TTLL5: variants seen among roughly 807,000 people sequenced by gnomAD.
TTLL5 encodes the protein tubulin polyglutamylase TTLL5.
In TTLL5, 132 loss-of-function variants were observed where a neutral mutation model predicts 168.4. The observed-to-expected ratio is 0.78, with a 90% CI of 0.68 to 0.91. The LOEUF (loss-of-function observed/expected upper bound fraction) is 0.91, where lower values mean the gene tolerates loss of function less well. Among genes scored for constraint, TTLL5 ranks in the 40% least tolerant of loss-of-function variants. The pLI, the probability that TTLL5 is intolerant of heterozygous loss-of-function variation, is 0.00. For missense variants in TTLL5, 1,545 were observed against 1,581.5 expected (o/e 0.98, Z 0.39); for synonymous variants, 546 against 558.6 (o/e 0.98, Z 0.32).
chr14:75,793,485 AT>A (rs1203304691), intron 27 of TTLL5, among the ~76,000 whole-genome samples: 2 of 152,118 alleles, frequency 1.3e-5, no homozygotes, highest in Non-Finnish European at 2.9e-5. Flanking sequence ...CTTTAAAAAA[AT>A]TTTTTTCTAT....
At chr14:75,846,139 A>G (rs1056256886) in intron 28 of TTLL5, among the ~76,000 whole-genome samples, 11 of 152,238 alleles carry the variant, frequency 7.2e-5, no homozygotes, top group Non-Finnish European at 1.6e-4. Context: ...AACTATCAAT[A>G]TATGACTTGT....
At chr14:75,718,693 A>G (rs1203193390) in intron 10 of TTLL5, among the ~76,000 whole-genome samples, 1 of 152,232 alleles carries the variant, frequency 6.6e-6, no homozygotes, top group Admixed American at 6.5e-5. Flanking sequence ...AATCAAAGAA[A>G]GAAAGAAATG....
intron 27 of TTLL5, among the ~76,000 whole-genome samples, chr14:75,797,172 T>A (rs1312224520): frequency 6.6e-6 from 1 of 152,068 alleles, no homozygotes; most frequent in Non-Finnish European, 1.5e-5. Flanking sequence ...TTTTATTTTA[T>A]TTTTTGCAGC....
At chr14:75,909,565 C>T (rs765410509) in intron 31 of TTLL5, among the ~76,000 whole-genome samples, 17 of 152,044 alleles carry the variant, frequency 1.1e-4, no homozygotes, top group Admixed American at 4.6e-4. Flanking sequence ...TCCTTCGGAG[C>T]CTTGTTTTTG....
At chr14:75,788,265 A>T (rs1329293899) in intron 26 of TTLL5, among the ~76,000 whole-genome samples, 1 of 152,170 alleles carries the variant, frequency 6.6e-6, no homozygotes, top group Non-Finnish European at 1.5e-5. Context: ...ATAAAGAAAT[A>T]TAAAGATAAG....
At chr14:75,718,074 G>A (rs1435407384) in intron 10 of TTLL5, 112 bp downstream of exon 10, 2 of 858,876 alleles carry the variant, frequency 2.3e-6, no homozygotes, top group Non-Finnish European at 3.7e-6. Context: ...TAATGTCCAT[G>A]TACCATTTAT....
At chr14:75,752,212 A>AT (rs933669093) in intron 17 of TTLL5, among the ~76,000 whole-genome samples, 1 of 152,170 alleles carries the variant, frequency 6.6e-6, no homozygotes, top group African/African-American at 2.4e-5. Flanking sequence ...ATTCCTAACC[A>AT]TCTGGGAATG....
chr14:75,825,049 A>C (rs1005536929), intron 28 of TTLL5, among the ~76,000 whole-genome samples: 5 of 152,186 alleles, frequency 3.3e-5, no homozygotes, highest in African/African-American at 1.2e-4. Flanking sequence ...TTTCTGAACC[A>C]TAATTTCCCC....
At chr14:75,813,270 T>TTGTGTGTG (rs58821426) in intron 27 of TTLL5, among the ~76,000 whole-genome samples, 50 of 130,720 alleles carry the variant, frequency 3.8e-4, no homozygotes, top group African/African-American at 7.9e-4. Flanking sequence ...GTGTGTGTGT[T>TTGTGTGTG]TGTGTGTGTG....
rs576395644 is a variant in TTLL5, at chr14:75,765,660, C to T, written c.1709-402C>T. Among the ~76,000 whole-genome samples, 258 of 152,086 alleles carry T rather than the reference C, an allele frequency of 1.7e-3. 2 individuals carry two copies. Among genetic ancestry groups the T allele is most frequent in the African/African-American group, 5.7e-3 (236 of 41,492 alleles). On this transcript the variant is annotated intron_variant, in intron 19 of 31. Transcript: ENST00000298832. ...GGCGAATCGCTTGAGCCCAGGAGTT[C>T]GAGACCAGCCCAGGCAATCTGGCAA... is the stretch of plus-strand genomic sequence containing the variant.
At chr14:75,747,373 C>T (rs537856543) in intron 17 of TTLL5, among the ~76,000 whole-genome samples, 39 of 151,926 alleles carry the variant, frequency 2.6e-4, no homozygotes, top group Middle Eastern at 3.4e-3. Context: ...TTTCTGTTAT[C>T]TGTCATTTTG....
At chr14:75,675,925 A>C (rs1172869929) in intron 3 of TTLL5, among the ~76,000 whole-genome samples, 1 of 152,156 alleles carries the variant, frequency 6.6e-6, no homozygotes, top group Non-Finnish European at 1.5e-5. Flanking sequence ...TACCATTTGC[A>C]AGTTGGAGAC....
chr14:75,923,094 C>G (rs1260559711), intron 31 of TTLL5, among the ~76,000 whole-genome samples: 1 of 152,108 alleles, frequency 6.6e-6, no homozygotes. Context: ...TGAGTCTTCT[C>G]TGTTTTATTC....
At position 75,673,164 on chromosome 14, in the gene TTLL5, G is replaced by A. The variant is rs137993040; in HGVS notation, c.181+3642G>A. On this transcript the variant is annotated intron_variant, in intron 3 of 31. Transcript: ENST00000298832. ...GGGTCTCACTATGTTTCCCAGGCTG[G>A]TCTTGAACTCCTGGCCTCAAGCAGT... Among the ~76,000 whole-genome samples, 767 of 152,100 alleles carry A rather than the reference G, an allele frequency of 5.0e-3. 6 individuals are homozygous for A. The highest frequency in any genetic ancestry group is 0.018 in the African/African-American group (734 of 41,490).
intron 31 of TTLL5, 106 bp from the exon 32 acceptor site, chr14:75,954,318 A>C (rs2035050790): frequency 3.4e-6 from 4 of 1,162,616 alleles, no homozygotes; most frequent in Non-Finnish European, 3.8e-6. Context: ...TTGGGCCACC[A>C]CTTCTTTATT....
chr14:75,703,025 T>C (rs975529446), intron 7 of TTLL5, among the ~76,000 whole-genome samples: 8 of 152,214 alleles, frequency 5.3e-5, no homozygotes, highest in Admixed American at 4.6e-4. Flanking sequence ...AACCATCCCC[T>C]CTTTTCCATG....
At chr14:75,728,969 A>G (rs1212974803) in intron 12 of TTLL5, among the ~76,000 whole-genome samples, 2 of 152,130 alleles carry the variant, frequency 1.3e-5, no homozygotes, top group African/African-American at 2.4e-5. Context: ...CATATTGAGA[A>G]CAGTCAGTTA....
chr14:75,874,863 A>G (rs1488044095), intron 29 of TTLL5, among the ~76,000 whole-genome samples: 4 of 151,642 alleles, frequency 2.6e-5, no homozygotes, highest in Non-Finnish European at 1.5e-5. Flanking sequence ...TGGTATTTCA[A>G]AATGGAACTA....
At chr14:75,665,604 A>G (rs985353105) in intron 2 of TTLL5, among the ~76,000 whole-genome samples, 1 of 152,208 alleles carries the variant, frequency 6.6e-6, no homozygotes, top group South Asian at 2.1e-4. Context: ...CACGCCTGTA[A>G]TCCCAGCACT....
Sources: gnomAD v4.1 joint callset for allele counts (sites outside exome capture counted in the v4.1 genomes callset) on GRCh38, gnomAD v4.1.1 for gene constraint, MANE v1.5 for transcripts, NCBI Gene and HGNC (gene_info 2026-07-23, HGNC 2026-07-21) for gene names.